Variants in AFF2 observed in about 807,000 individuals in gnomAD.
AFF2 encodes the protein AF4/FMR2 family member 2.
AFF2 carries 14 observed loss-of-function variants against 76.9 expected under a neutral mutation model. The observed-to-expected ratio is 0.18, with a 90% confidence interval of 0.12 to 0.28. The LOEUF (loss-of-function observed/expected upper bound fraction) is 0.28. Among genes scored for constraint, AFF2 ranks in the 10% least tolerant of loss-of-function variants. The pLI is 1.00. For synonymous variants in AFF2, 398 were observed against 366.7 expected (o/e 1.09, Z -0.98); for missense variants, 868 against 1,001.1 (o/e 0.87, Z 1.79).
At chrX:148,896,135 C>T (rs1557280287) in intron 8 of AFF2, among the ~76,000 whole-genome samples, 1 of 111,561 alleles carries the variant, frequency 9.0e-6, no homozygotes, top group Admixed American at 9.6e-5. Flanking sequence ...TTCCTCTTTA[C>T]TGCATCTGCA....
rs925353740 is a variant in AFF2, at chrX:148,684,225, G to T, written c.1041+21457G>T. ...ATGCACAGAAGCAAAATTAAGAATA[G>T]ATTATTATTGTCATAAACTAATTAA... On this transcript the variant is annotated intron_variant, in intron 3 of 20. Coordinates refer to ENST00000370460, the MANE Select transcript of AFF2 (RefSeq NM_002025.4). 3.6e-5 allele frequency among the ~76,000 whole-genome samples: 4 copies of T among 112,131 alleles called. No homozygotes were observed. The Admixed American group carries it at 3.8e-4, about 11-fold the overall frequency.
chrX:148,969,285 G>A (rs2072219137), intron 15 of AFF2, among the ~76,000 whole-genome samples: 1 of 112,800 alleles, frequency 8.9e-6, no homozygotes, highest in African/African-American at 3.2e-5. Flanking sequence ...TTTTGGAGAT[G>A]GGGTGAAAAG....
intron 1 of AFF2, among the ~76,000 whole-genome samples, chrX:148,605,583 G>A (rs781871074): frequency 6.8e-4 from 76 of 111,524 alleles, no homozygotes; most frequent in African/African-American, 2.2e-3. Context: ...AATTGAGTCC[G>A]GCACTGGGGC....
At chrX:148,829,191 G>A (rs2070423735) in intron 4 of AFF2, among the ~76,000 whole-genome samples, 1 of 112,299 alleles carries the variant, frequency 8.9e-6, no homozygotes, top group East Asian at 2.8e-4. Context: ...TAAAAGAATT[G>A]CATTTTGCAT....
chrX:148,830,890 C>A (rs782398163), intron 4 of AFF2, among the ~76,000 whole-genome samples: 1 of 110,374 alleles, frequency 9.1e-6, no homozygotes, highest in African/African-American at 3.3e-5. Flanking sequence ...AGCCTGGGAG[C>A]GCTATGGGAG....
intron 4 of AFF2, among the ~76,000 whole-genome samples, chrX:148,824,771 C>T (rs2070368273): frequency 8.9e-6 from 1 of 111,790 alleles, no homozygotes; most frequent in Non-Finnish European, 1.9e-5. Flanking sequence ...TTCTGTGGTT[C>T]ATGCCTGTAA....
chrX:148,955,921 A>C lies in AFF2; in HGVS notation c.1876A>C (p.Ile626Leu). 2 of 1,211,700 alleles carry C rather than the reference A, an allele frequency of 1.7e-6. No homozygotes were observed. The highest frequency in any genetic ancestry group is 2.2e-6 in the Non-Finnish European group (2 of 895,551). Residue 626 changes from isoleucine (I) to leucine (L), a missense_variant, in exon 11 of 21, where the codon ATT becomes CTT. Physicochemically the swap from Ile to Leu is conservative, Grantham distance 5. This residue lies in a region of AFF2 where 532 missense variants were observed against 564.2 expected (regional missense o/e 0.94). Transcript: ENST00000370460. ...TTSETVSQRTIGKKQPKKVEK... is the reference protein window; with the variant it reads ...TTSETVSQRTLGKKQPKKVEK... ...TAGTGAGACAGTGTCTCAAAGGACAATTGGGAAAAAACAGCCCAAAAAAGT... is the reference window on the plus strand; with the variant it reads ...TAGTGAGACAGTGTCTCAAAGGACACTTGGGAAAAAACAGCCCAAAAAAGT...
intron 1 of AFF2, among the ~76,000 whole-genome samples, chrX:148,638,558 C>T (rs1296679554): frequency 5.4e-5 from 6 of 111,286 alleles, no homozygotes; most frequent in East Asian, 2.8e-4. Flanking sequence ...TATCACTTGG[C>T]GATTTATAAA....
chrX:148,768,792 T>A (rs1557267925), intron 3 of AFF2, among the ~76,000 whole-genome samples: 1 of 112,031 alleles, frequency 8.9e-6, no homozygotes, highest in East Asian at 2.8e-4. Flanking sequence ...TTGTTCATTG[T>A]TTTTCTCATT....
intron 3 of AFF2, among the ~76,000 whole-genome samples, chrX:148,793,721 G>A (rs1557270153): frequency 8.9e-6 from 1 of 111,908 alleles, no homozygotes. Context: ...ATGGTTTAAG[G>A]TTAATCCCAT....
At chrX:148,808,455 C>T (rs2070164420) in intron 3 of AFF2, among the ~76,000 whole-genome samples, 1 of 112,384 alleles carries the variant, frequency 8.9e-6, no homozygotes, top group African/African-American at 3.2e-5. Flanking sequence ...GTATGCCCAG[C>T]CAACTTAAGT....
At chrX:148,806,958 G>T (rs1351779589) in intron 3 of AFF2, among the ~76,000 whole-genome samples, 6 of 112,296 alleles carry the variant, frequency 5.3e-5, no homozygotes, top group African/African-American at 1.6e-4. Flanking sequence ...ACAGCAGTGG[G>T]CCCGGGCTAG....
chrX:148,612,482 T>A (rs781901846), intron 1 of AFF2, among the ~76,000 whole-genome samples: 1 of 112,306 alleles, frequency 8.9e-6, no homozygotes, highest in South Asian at 3.6e-4. Context: ...GCTGCCAAAC[T>A]AAGAAATATA....
chrX:148,672,962 A>T (rs1475645628), intron 3 of AFF2, among the ~76,000 whole-genome samples: 1 of 111,689 alleles, frequency 9.0e-6, no homozygotes. Flanking sequence ...CTATAGAGGG[A>T]GTAAGACTTC....
At position 148,994,931 on chromosome X, in the gene AFF2, GGTAAGACTACTCAGTAA is replaced by G. The variant is rs2124444304; in HGVS notation, c.*3600_*3616del. The G allele has an allele frequency of 8.9e-6, 1 of 111,906 alleles. No homozygotes were observed. The highest frequency in any genetic ancestry group is 9.5e-5 in the Admixed American group (1 of 10,575). 9.2% of individuals were successfully genotyped at this position (111,906 alleles called of 1,213,427 possible). A position where few individuals can be genotyped will look rare whatever the true frequency, so the allele number is the denominator to read the frequency against. On this transcript the variant is annotated 3_prime_UTR_variant, in exon 21 of 21. Transcript: ENST00000370460. ...GTGGGAGAACCAAACTGGATCACTG[GGTAAGACTACTCAGTAA>G]AGCAATGAACTGCTTGCTTAGAGAA...
At chrX:148,939,207 A>G (rs1379602301) in intron 9 of AFF2, among the ~76,000 whole-genome samples, 1 of 111,811 alleles carries the variant, frequency 8.9e-6, no homozygotes, top group Non-Finnish European at 1.9e-5. Context: ...ACGATCATTT[A>G]TACTAGCTCT....
intron 7 of AFF2, among the ~76,000 whole-genome samples, chrX:148,874,398 G>C (rs558586595): frequency 2.0e-5 from 2 of 100,317 alleles, no homozygotes; most frequent in African/African-American, 7.3e-5. Flanking sequence ...TGCAACAACC[G>C]TCCAAAGTTG....
At chrX:148,782,318 A>C (rs2124613199) in intron 3 of AFF2, among the ~76,000 whole-genome samples, 1 of 112,043 alleles carries the variant, frequency 8.9e-6, no homozygotes, top group East Asian at 2.8e-4. Context: ...AAATTTAGGT[A>C]TCTTGATAGA....
At chrX:148,635,160 G>T (rs2054018491) in intron 1 of AFF2, among the ~76,000 whole-genome samples, 1 of 111,474 alleles carries the variant, frequency 9.0e-6, no homozygotes, top group Admixed American at 9.6e-5. Context: ...TGGCTGGGGA[G>T]ATTATCCTGG....
Sources: gnomAD v4.1 joint callset for allele counts (sites outside exome capture counted in the v4.1 genomes callset) on GRCh38, gnomAD v4.1.1 for gene constraint, gnomAD v4.1.1 regional missense constraint, MANE v1.5 for transcripts, NCBI Gene and HGNC (gene_info 2026-07-23, HGNC 2026-07-21) for gene names.